The following PTPRT variants were observed in gnomAD, a reference collection of about 807,000 sequenced individuals.
PTPRT encodes the protein protein tyrosine phosphatase receptor type T, also known as receptor-type tyrosine-protein phosphatase T.
PTPRT carries 56 observed loss-of-function variants against 176.8 expected under a neutral mutation model. That is an observed-to-expected ratio of 0.32 (90% confidence interval 0.26 to 0.40). PTPRT has a LOEUF of 0.40. PTPRT is among the 10% of genes least tolerant of loss of function. The probability of loss-of-function intolerance (pLI) is 1.00; values close to 1 mark genes in which losing one functional copy is unlikely to be tolerated. For missense variants in PTPRT, 1,540 were observed against 1,908.2 expected, an observed-to-expected ratio of 0.81 and a Z score of 3.60; for synonymous variants, 783 against 739.0, an observed-to-expected ratio of 1.06 and a Z score of -0.96.
At chr20:42,372,645 T>G (rs1457392340) in intron 9 of PTPRT, among the ~76,000 whole-genome samples, 1 of 152,100 alleles carries the variant, frequency 6.6e-6, no homozygotes, top group Non-Finnish European at 1.5e-5. Flanking sequence ...TTGCTAAAGT[T>G]TGAAAGTCCC....
At chr20:42,350,226 T>TGTTG (rs762596591) in intron 11 of PTPRT, among the ~76,000 whole-genome samples, 11 of 88,174 alleles carry the variant, frequency 1.2e-4, no homozygotes, top group African/African-American at 2.2e-4. Context: ...TTTTTTTTTT[T>TGTTG]TTTTTTTTTT....
chr20:43,160,377 C>T (rs2014659306), intron 1 of PTPRT, among the ~76,000 whole-genome samples: 1 of 152,166 alleles, frequency 6.6e-6, no homozygotes, highest in South Asian at 2.1e-4. Flanking sequence ...AGCAACGGTC[C>T]CAAAGACTGG....
intron 1 of PTPRT, among the ~76,000 whole-genome samples, chr20:43,100,570 C>T (rs2012357155): frequency 6.6e-6 from 1 of 152,150 alleles, no homozygotes; most frequent in African/African-American, 2.4e-5. Flanking sequence ...TCCCCCAAGC[C>T]CTAGGGCTGT....
chr20:42,826,911 C>CA, intron 2 of PTPRT, among the ~76,000 whole-genome samples: 2 of 152,230 alleles, frequency 1.3e-5, no homozygotes, highest in African/African-American at 4.8e-5. Flanking sequence ...TTGCAACCCT[C>CA]ATTTCAGACA....
intron 1 of PTPRT, among the ~76,000 whole-genome samples, chr20:42,951,598 T>C (rs1981255418): frequency 6.6e-6 from 1 of 152,160 alleles, no homozygotes; most frequent in South Asian, 2.1e-4. Context: ...GGACCTAAGA[T>C]TTCAATATCT....
chr20:42,660,362 A>G (rs2075201529), intron 7 of PTPRT, among the ~76,000 whole-genome samples: 1 of 152,052 alleles, frequency 6.6e-6, no homozygotes, highest in South Asian at 2.1e-4. Flanking sequence ...CTCCCTCCCC[A>G]GTCCATCACT....
At chr20:42,472,924 G>A (rs73271599) in intron 7 of PTPRT, among the ~76,000 whole-genome samples, 5,278 of 152,166 alleles carry the variant, frequency 0.035, 232 homozygotes, top group East Asian at 0.11. Context: ...TCTGGGATAC[G>A]CTTATTTAGA....
At chr20:42,569,047 CAAAAAAAAAAAAAAAAA>C (rs869193461) in intron 7 of PTPRT, among the ~76,000 whole-genome samples, 1 of 20,446 alleles carries the variant, frequency 4.9e-5, no homozygotes, top group African/African-American at 1.6e-4. Flanking sequence ...GACTCCATCT[CAAAAAAAAAAAAAAAAA>C]AAAAAAAAAA....
chr20:42,659,830 T>C (rs939910662), intron 7 of PTPRT, among the ~76,000 whole-genome samples: 3 of 152,150 alleles, frequency 2.0e-5, no homozygotes, highest in Admixed American at 6.5e-5. Context: ...TAATCAGAGC[T>C]CTTGCCTCCT....
chr20:42,193,015 C>T (rs887460846), intron 16 of PTPRT, among the ~76,000 whole-genome samples: 38 of 152,170 alleles, frequency 2.5e-4, no homozygotes, highest in African/African-American at 8.4e-4. Context: ...TCCTGTCTCT[C>T]CTTCACTCGC....
chr20:42,436,977 A>G (rs1315903290), intron 9 of PTPRT, among the ~76,000 whole-genome samples: 1 of 152,198 alleles, frequency 6.6e-6, no homozygotes, highest in African/African-American at 2.4e-5. Flanking sequence ...AAAAAACAAT[A>G]TGCTTATAAG....
chr20:42,201,730 CAAAAAA>C (rs57007206), intron 15 of PTPRT, among the ~76,000 whole-genome samples: 2 of 74,042 alleles, frequency 2.7e-5, no homozygotes, highest in Non-Finnish European at 2.5e-5. Flanking sequence ...GAACCAGAGG[CAAAAAA>C]AAAAAAAAAA....
At chr20:42,315,674 G>T in intron 12 of PTPRT, 49 bp downstream of exon 12, 1 of 1,584,230 alleles carries the variant, frequency 6.3e-7, no homozygotes, top group South Asian at 1.1e-5. Context: ...ATTTGAGAAT[G>T]AAAAAATGCA....
intron 1 of PTPRT, among the ~76,000 whole-genome samples, chr20:42,932,609 C>T (rs1210197148): frequency 2.0e-5 from 3 of 152,298 alleles, no homozygotes; most frequent in South Asian, 2.1e-4. Context: ...GGGTGACCAA[C>T]GTGTCCCAGT....
At chr20:42,505,114 C>G (rs2071821394) in intron 7 of PTPRT, among the ~76,000 whole-genome samples, 1 of 152,072 alleles carries the variant, frequency 6.6e-6, no homozygotes, top group African/African-American at 2.4e-5. Flanking sequence ...TCTTTTAACC[C>G]CAACCAAACA....
the PTPRT span, among the ~76,000 whole-genome samples, chr20:42,057,837 C>T: frequency 7.2e-5 from 11 of 152,162 alleles, no homozygotes; most frequent in African/African-American, 2.4e-4. Flanking sequence ...CCTTGGCCTC[C>T]CCCTGTGCTG....
chr20:43,026,801 A>C (rs1054848714), intron 1 of PTPRT, among the ~76,000 whole-genome samples: 2 of 152,124 alleles, frequency 1.3e-5, no homozygotes, highest in Non-Finnish European at 2.9e-5. Flanking sequence ...TTTAGCTCCC[A>C]AAAATAAGTG....
At chr20:42,170,216 A>C (rs1031681477) in intron 16 of PTPRT, among the ~76,000 whole-genome samples, 4 of 152,212 alleles carry the variant, frequency 2.6e-5, no homozygotes, top group Non-Finnish European at 4.4e-5. Flanking sequence ...AATGACATTC[A>C]TGGGCATCTC....
chr20:42,366,028 G>T (rs777189771), intron 9 of PTPRT, among the ~76,000 whole-genome samples: 4 of 152,216 alleles, frequency 2.6e-5, no homozygotes, highest in Non-Finnish European at 5.9e-5. Context: ...CTCTGCCCAT[G>T]ACTTCCCTCC....
Sources: allele counts gnomAD v4.1 joint callset (sites outside exome capture counted in the v4.1 genomes callset), GRCh38; gene constraint gnomAD v4.1.1; transcripts MANE v1.5; gene names NCBI Gene and HGNC (gene_info 2026-07-23, HGNC 2026-07-21).